PTK2: variants seen among roughly 807,000 people sequenced by gnomAD.
PTK2 encodes protein tyrosine kinase 2, also known as focal adhesion kinase 1.
PTK2 carries 45 observed loss-of-function variants against 150.1 expected under a neutral mutation model. The ratio of observed to expected loss-of-function variants is 0.30; its 90% CI spans 0.24 to 0.38. PTK2 has a LOEUF of 0.38. Among genes scored for constraint, PTK2 ranks in the 10% least tolerant of loss-of-function variants. PTK2 has a pLI of 1.00. For missense variants in PTK2, 919 were observed against 1,307.3 expected (o/e 0.70, Z 4.58); for synonymous variants, 432 against 449.2 (o/e 0.96, Z 0.48).
chr8:140,665,623 T>C (rs1360777058), intron 30 of PTK2, among the ~76,000 whole-genome samples: 3 of 152,230 alleles, frequency 2.0e-5, no homozygotes, highest in African/African-American at 7.2e-5. Flanking sequence ...TTTTCATTAC[T>C]GTCATACTTA....
At chr8:140,925,427 T>C (rs1028580293) in intron 2 of PTK2, 2 of 153,662 alleles carry the variant, frequency 1.3e-5, no homozygotes, top group Admixed American at 6.5e-5. Flanking sequence ...TCCAGTAAGA[T>C]TACTAATTAC....
At chr8:140,838,995 A>C (rs2100120579) in intron 7 of PTK2, among the ~76,000 whole-genome samples, 1 of 149,450 alleles carries the variant, frequency 6.7e-6, no homozygotes, top group Non-Finnish European at 1.5e-5. Flanking sequence ...ACAGAGTGAG[A>C]CTCCGTCTCA....
chr8:140,844,452 C>G (rs1435399701), intron 7 of PTK2, among the ~76,000 whole-genome samples: 1 of 152,110 alleles, frequency 6.6e-6, no homozygotes, highest in African/African-American at 2.4e-5. Context: ...ATTCAAGTAT[C>G]TATATTACTA....
At chr8:140,832,981 G>C in intron 7 of PTK2, 1 of 518,392 alleles carries the variant, frequency 1.9e-6, no homozygotes, top group Non-Finnish European at 3.8e-6. Context: ...AATCAACCCA[G>C]CTACACATCT....
chr8:140,756,964 G>C (rs959725248), intron 16 of PTK2, among the ~76,000 whole-genome samples: 2 of 151,516 alleles, frequency 1.3e-5, no homozygotes, highest in African/African-American at 4.9e-5. Flanking sequence ...ACTCTGGCCT[G>C]GGCAACAGAG....
At chr8:140,977,374 A>T (rs1477943740) in intron 1 of PTK2, among the ~76,000 whole-genome samples, 2 of 152,230 alleles carry the variant, frequency 1.3e-5, no homozygotes, top group Non-Finnish European at 2.9e-5. Flanking sequence ...CTGTAATCCC[A>T]GCACTTTGGG....
At chr8:140,794,960 A>C (rs2100090747) in intron 12 of PTK2, among the ~76,000 whole-genome samples, 1 of 152,116 alleles carries the variant, frequency 6.6e-6, no homozygotes, top group African/African-American at 2.4e-5. Flanking sequence ...GTGCACCTGC[A>C]TACTTCCCAT....
At chr8:140,839,098 C>G (rs143229160) in intron 7 of PTK2, among the ~76,000 whole-genome samples, 1 of 151,992 alleles carries the variant, frequency 6.6e-6, no homozygotes, top group Non-Finnish European at 1.5e-5. Context: ...GTTTAGGCAA[C>G]AGGGTGATAA....
In PTK2 at chr8:140,684,860, C is replaced by T. The variant is rs186491195; in HGVS notation, c.2562+1772G>A. 1.3e-3 allele frequency among the ~76,000 whole-genome samples: 196 copies of T among 152,240 alleles called. 1 individual carries two copies. The highest frequency in any genetic ancestry group is 4.9e-4 in the Non-Finnish European group (33 of 68,010). On this transcript the variant is annotated intron_variant, in intron 27 of 31. Coordinates refer to ENST00000522684, the Ensembl canonical transcript of PTK2. ...TTCAATGTTGTACCTATCAAACTAC[C>T]AATAACATGCTTTACAGAATTAGAA...
chr8:140,859,627 T>C (rs1387696252), intron 5 of PTK2, among the ~76,000 whole-genome samples: 4 of 152,188 alleles, frequency 2.6e-5, no homozygotes, highest in African/African-American at 9.7e-5. Flanking sequence ...GACTAATTTA[T>C]CTCACACTTC....
chr8:140,968,581 C>T (rs1359017666), intron 1 of PTK2, among the ~76,000 whole-genome samples: 1 of 152,230 alleles, frequency 6.6e-6, no homozygotes, highest in Admixed American at 6.5e-5. Context: ...AATCTGTCTA[C>T]AGCTTGTGCT....
At position 140,898,210 on chromosome 8, in the gene PTK2, A is replaced by C. The variant is rs77049204; in HGVS notation, c.-32-7441T>G. On this transcript the variant is annotated intron_variant, in intron 2 of 31. Transcript: ENST00000522684. Reference sequence around the variant, plus strand: ...GCACAAAATTTCCATCATTAGAATCAATCGACATAAAATTACTATCAAATT... The same window carrying C: ...GCACAAAATTTCCATCATTAGAATCCATCGACATAAAATTACTATCAAATT... 9.1e-3 allele frequency among the ~76,000 whole-genome samples: 1,385 copies of C among 152,348 alleles called. 16 individuals carry two copies. Among genetic ancestry groups the C allele is most frequent in the African/African-American group, 0.031 (1,287 of 41,576 alleles).
intron 1 of PTK2, among the ~76,000 whole-genome samples, chr8:140,974,733 T>C (rs2100188653): frequency 6.6e-6 from 1 of 152,208 alleles, no homozygotes; most frequent in Non-Finnish European, 1.5e-5. Flanking sequence ...TCTGATAATG[T>C]GATGAAAGCT....
chr8:140,687,014 A>G (rs920539832), intron 26 of PTK2: 4 of 295,462 alleles, frequency 1.4e-5, no homozygotes, highest in African/African-American at 8.8e-5. Context: ...CAACCCCAGG[A>G]TAAAAATATC....
intron 26 of PTK2, among the ~76,000 whole-genome samples, chr8:140,694,042 CTTTTTTTT>C (rs797013196): frequency 1.5e-5 from 2 of 136,976 alleles, no homozygotes; most frequent in Non-Finnish European, 3.2e-5. Flanking sequence ...CTTTTCTTTT[CTTTTTTTT>C]TTTTTTTTGA....
At chr8:140,788,458 C>T (rs1157441586) in intron 14 of PTK2, among the ~76,000 whole-genome samples, 4 of 152,040 alleles carry the variant, frequency 2.6e-5, no homozygotes, top group African/African-American at 4.8e-5. Context: ...CCGAGGCAGG[C>T]GGATCATCTG....
At chr8:140,677,329 T>A (rs1490504731) in intron 27 of PTK2, among the ~76,000 whole-genome samples, 1 of 152,118 alleles carries the variant, frequency 6.6e-6, no homozygotes, top group African/African-American at 2.4e-5. Flanking sequence ...TTGTTATACC[T>A]CCATCAGTTC....
In PTK2 at chr8:140,986,577, G is replaced by C. The variant is rs569357031; in HGVS notation, c.-122+14548C>G. ...ACTTTCATTTTTAAGACAGTGCAGA[G>C]AGGGGGAGACAGGAATAAAAGACTG... On this transcript the variant is annotated intron_variant, in intron 1 of 31. Transcript: ENST00000522684. 3.9e-5 allele frequency among the ~76,000 whole-genome samples: 6 copies of C among 152,298 alleles called. No homozygotes were observed. In the South Asian group the frequency reaches 1.2e-3, roughly 32 times the overall value.
intron 4 of PTK2, among the ~76,000 whole-genome samples, chr8:140,876,769 A>C (rs1238867973): frequency 6.6e-6 from 1 of 151,902 alleles, no homozygotes; most frequent in Non-Finnish European, 1.5e-5. Flanking sequence ...TCTCTTGTTT[A>C]CTAATTTTTC....
Sources: gnomAD v4.1 joint callset for allele counts (sites outside exome capture counted in the v4.1 genomes callset) on GRCh38, gnomAD v4.1.1 for gene constraint, MANE v1.5 for transcripts, NCBI Gene and HGNC (gene_info 2026-07-23, HGNC 2026-07-21) for gene names.